Variants in CTPS2 observed in about 807,000 individuals in gnomAD.
The protein encoded by CTPS2 is CTP synthase II.
A neutral mutation model predicts 46.8 loss-of-function variants in CTPS2; 19 were observed. That is an observed-to-expected ratio of 0.41 (90% confidence interval 0.28 to 0.60). The LOEUF is 0.60. Among genes scored for constraint, CTPS2 ranks in the 20% least tolerant of loss-of-function variants. CTPS2 has a pLI of 0.35. For synonymous variants in CTPS2, 151 were observed against 165.2 expected (o/e 0.91, Z 0.66); for missense variants, 286 against 447.6 (o/e 0.64, Z 3.26).
intron 9 of CTPS2, 109 bp downstream of exon 9, chrX:16,682,985 G>GT (rs1405724480): frequency 1.2e-6 from 1 of 834,626 alleles, no homozygotes; most frequent in East Asian, 3.2e-5. Context: ...CTGGTGAATC[G>GT]TAAGTCCTGC....
intron 18 of CTPS2, among the ~76,000 whole-genome samples, chrX:16,590,539 A>AT (rs111774126): frequency 0.013 from 1,383 of 108,252 alleles, 17 homozygotes; most frequent in African/African-American, 0.044. Context: ...GTGTACTTAT[A>AT]TTTTTTTTTT....
chrX:16,645,762 G>C (rs1369160558), intron 13 of CTPS2, among the ~76,000 whole-genome samples: 2 of 112,909 alleles, frequency 1.8e-5, no homozygotes, highest in African/African-American at 3.2e-5. Flanking sequence ...GAATCTTTAA[G>C]AAGCAATTAA....
chrX:16,592,320 A>T (rs1735031628), intron 17 of CTPS2, among the ~76,000 whole-genome samples: 1 of 112,414 alleles, frequency 8.9e-6, no homozygotes, highest in South Asian at 3.7e-4. Context: ...TTGGCCATGA[A>T]CCTATGATGG....
intron 7 of CTPS2, 148 bp from the exon 8 acceptor site, chrX:16,689,749 C>G (rs1191995200): frequency 2.6e-5 from 12 of 469,431 alleles, no homozygotes; most frequent in Non-Finnish European, 3.8e-5. Context: ...GCAACCAAAG[C>G]TAGCATCAGA....
chrX:16,678,674 G>A (rs185675457), intron 9 of CTPS2, among the ~76,000 whole-genome samples: 3 of 110,873 alleles, frequency 2.7e-5, no homozygotes, highest in African/African-American at 6.6e-5. Context: ...TGTGATAATG[G>A]CTATGACAGA....
At chrX:16,650,556 A>G (rs112187464) in intron 13 of CTPS2, among the ~76,000 whole-genome samples, 3,489 of 86,405 alleles carry the variant, frequency 0.04, 199 homozygotes, top group African/African-American at 0.15. Flanking sequence ...TCGCTCTGTC[A>G]CCCAGGCTGG....
intron 11 of CTPS2, 68 bp from the exon 12 acceptor site, chrX:16,667,792 T>C: frequency 9.8e-7 from 1 of 1,021,642 alleles, no homozygotes; most frequent in African/African-American, 1.9e-5. Flanking sequence ...TTCTGTTCAT[T>C]TGTTGGCTGC....
chrX:16,629,165 G>A (rs1013922455), intron 14 of CTPS2, among the ~76,000 whole-genome samples: 7 of 112,455 alleles, frequency 6.2e-5, no homozygotes, highest in South Asian at 3.7e-4. Flanking sequence ...AGTTCCCTTC[G>A]GTGAAGTGAT....
chrX:16,608,165 A>G (rs746602085), intron 17 of CTPS2, among the ~76,000 whole-genome samples: 5 of 111,525 alleles, frequency 4.5e-5, no homozygotes, highest in Non-Finnish European at 9.4e-5. Flanking sequence ...GTGAGCTGAG[A>G]TTGCTCCACT....
intron 13 of CTPS2, among the ~76,000 whole-genome samples, chrX:16,650,615 C>T (rs1186573218): frequency 9.7e-6 from 1 of 103,469 alleles, no homozygotes; most frequent in African/African-American, 3.6e-5. Context: ...CGGGTTCAAG[C>T]GATTCTCCTG....
chrX:16,591,797 G>A (rs1286271734), intron 17 of CTPS2, among the ~76,000 whole-genome samples: 4 of 110,974 alleles, frequency 3.6e-5, no homozygotes, highest in Non-Finnish European at 3.8e-5. Context: ...CAGGTGAGAG[G>A]TACCCCCAAC....
chrX:16,678,013 A>G (rs1234349673), intron 10 of CTPS2, among the ~76,000 whole-genome samples: 1 of 111,892 alleles, frequency 8.9e-6, no homozygotes, highest in African/African-American at 3.2e-5. Context: ...GAGAGAAAAA[A>G]AAAGCTGTCA....
rs754087032 is a variant in CTPS2 at position 16,651,149 on chromosome X, G to A, written c.1297-11906C>T. ...TTCCCCAGTTTACTCAAAGTAAGTG[G>A]CCATCCGCAGAGCCCACTTAATGGG... On this transcript the variant is annotated intron_variant, in intron 13 of 18. Transcript: ENST00000359276. 177 of 951,573 alleles carry A rather than the reference G, an allele frequency of 1.9e-4. No individual in the cohort carries two copies. The South Asian group carries it at 3.3e-3, about 18-fold the overall frequency. The allele number at this position is 951,573 out of a possible 1,213,427, so 78.4% of individuals were successfully genotyped here.
chrX:16,675,013 C>G (rs899069421), intron 10 of CTPS2, among the ~76,000 whole-genome samples: 2 of 110,634 alleles, frequency 1.8e-5, no homozygotes, highest in Admixed American at 9.7e-5. Flanking sequence ...TGCCTGTAAT[C>G]CCAGCACTTT....
At chrX:16,643,209 T>C (rs1932162451) in intron 13 of CTPS2, among the ~76,000 whole-genome samples, 1 of 111,948 alleles carries the variant, frequency 8.9e-6, no homozygotes, top group Admixed American at 9.5e-5. Context: ...TTAGCAACAG[T>C]GAAATTCCTG....
intron 8 of CTPS2, among the ~76,000 whole-genome samples, chrX:16,684,018 C>G (rs1245573394): frequency 9.0e-6 from 1 of 111,364 alleles, no homozygotes; most frequent in African/African-American, 3.3e-5. Context: ...CACATTTTAC[C>G]ATTAGAGACA....
intron 17 of CTPS2, among the ~76,000 whole-genome samples, chrX:16,591,923 C>G (rs1294022980): frequency 9.0e-6 from 1 of 111,547 alleles, no homozygotes; most frequent in Non-Finnish European, 1.9e-5. Flanking sequence ...AGATCACACT[C>G]TTTTTGCTCT....
At chrX:16,635,443 C>T (rs760142298) in intron 14 of CTPS2, among the ~76,000 whole-genome samples, 13 of 111,681 alleles carry the variant, frequency 1.2e-4, no homozygotes, top group African/African-American at 3.9e-4. Context: ...GAGGCTGAGG[C>T]GGGTAGATCA....
At chrX:16,662,230 C>A (rs753617235) in intron 13 of CTPS2, among the ~76,000 whole-genome samples, 1 of 110,673 alleles carries the variant, frequency 9.0e-6, no homozygotes, top group Admixed American at 9.7e-5. Context: ...GGGCAAAAAA[C>A]CAGAGTTGCT....
Sources: gnomAD v4.1 joint callset for allele counts (sites outside exome capture counted in the v4.1 genomes callset) on GRCh38, gnomAD v4.1.1 for gene constraint, MANE v1.5 for transcripts, NCBI Gene and HGNC (gene_info 2026-07-23, HGNC 2026-07-21) for gene names.